CDC42: variants seen among roughly 807,000 people sequenced by gnomAD.
CDC42 encodes the protein cell division cycle 42, also known as cell division control protein 42 homolog.
A neutral mutation model predicts 20.8 loss-of-function variants in CDC42; 1 was observed. The observed-to-expected ratio is 0.05, with a 90% CI of 0.02 to 0.23. The LOEUF (loss-of-function observed/expected upper bound fraction) is 0.23. Among genes scored for constraint, CDC42 ranks in the 10% least tolerant of loss-of-function variants. The pLI is 1.00. For missense variants in CDC42, 49 were observed against 227.9 expected, an observed-to-expected ratio of 0.21 and a Z score of 5.05; for synonymous variants, 72 against 84.8, an observed-to-expected ratio of 0.85 and a Z score of 0.83.
rs1053291449 is a variant in CDC42 at position 22,099,014 on chromosome 1, A to G, written c.*7497A>G. Among the ~76,000 whole-genome samples, 1 of 152,142 alleles carries G rather than the reference A, an allele frequency of 6.6e-6. No individual in the cohort carries two copies. Among genetic ancestry groups the G allele is most frequent in the Non-Finnish European group, 1.5e-5 (1 of 68,028 alleles). On this transcript the variant is annotated 3_prime_UTR_variant, in exon 6 of 6. Transcript: ENST00000656825. ...GCTGATCCTCCCACCTCGGCCTCCCAACGTGCTGGGATTACAGGCATTAGC... is the reference window on the plus strand; with the variant it reads ...GCTGATCCTCCCACCTCGGCCTCCCGACGTGCTGGGATTACAGGCATTAGC...
rs1645758405 is a variant in CDC42 at position 22,096,341 on chromosome 1, A to G, written c.*4824A>G. 1.3e-5 allele frequency among the ~76,000 whole-genome samples: 2 copies of G among 152,216 alleles called. No homozygotes were observed. Among genetic ancestry groups the G allele is most frequent in the Admixed American group, 6.5e-5 (1 of 15,284 alleles). Reference sequence around the variant, plus strand: ...ATTAAGGCACTGAGGATATACAGAGAGTAAAATAGATGTCTCCTGACTTCT... The same window carrying G: ...ATTAAGGCACTGAGGATATACAGAGGGTAAAATAGATGTCTCCTGACTTCT... On this transcript the variant is annotated 3_prime_UTR_variant, in exon 6 of 6. Coordinates refer to ENST00000656825, the MANE Select transcript of CDC42 (RefSeq NM_001791.4).
chr1:22,087,752 A>G (rs960362992), intron 5 of CDC42, among the ~76,000 whole-genome samples: 3 of 152,210 alleles, frequency 2.0e-5, no homozygotes, highest in Non-Finnish European at 2.9e-5. Flanking sequence ...CATTATATTT[A>G]TGCTTATGTT....
rs992575556 is a variant in CDC42, at chr1:22,093,028, A to G, written c.*1511A>G. 7 of 152,612 alleles carry G rather than the reference A, an allele frequency of 4.6e-5. No homozygotes were observed. The highest frequency in any genetic ancestry group is 9.6e-5 in the African/African-American group (4 of 41,456). 9.5% of individuals were successfully genotyped at this position (152,612 alleles called of 1,614,324 possible). A position where few individuals can be genotyped will look rare whatever the true frequency, so the allele number is the denominator to read the frequency against. On this transcript the variant is annotated 3_prime_UTR_variant, in exon 6 of 6. Coordinates refer to ENST00000656825, the MANE Select transcript of CDC42 (RefSeq NM_001791.4). ...TGGGAATTTGACTCTTGATAACATC[A>G]ATTTCTAACAAACTTTGGGATAAAA... is the stretch of plus-strand genomic sequence containing the variant.
chr1:22,073,717 A>G (rs1015539598), intron 1 of CDC42, among the ~76,000 whole-genome samples: 1 of 152,222 alleles, frequency 6.6e-6, no homozygotes, highest in Admixed American at 6.5e-5. Flanking sequence ...CCTGGAGGGC[A>G]GTGGCACAAT....
Position 22,088,698 on chromosome 1 carries a change from T to TAC in CDC42, c.486+1835_486+1836dup, listed in dbSNP as rs200091992. ...AAAGGAATTCCTTCTTGTTAAGGGA[T>TAC]ACACTCCAGTTTCTAATAGTCCTCC... On this transcript the variant is annotated intron_variant, in intron 5 of 5. Transcript: ENST00000656825. 2.2e-4 allele frequency among the ~76,000 whole-genome samples: 34 copies of TAC among 152,362 alleles called. No individual in the cohort carries two copies. The East Asian group carries it at 6.5e-3, about 29-fold the overall frequency.
At chr1:22,086,341 G>A (rs1288542573) in intron 3 of CDC42, 98 bp from the exon 4 acceptor site, 1 of 707,690 alleles carries the variant, frequency 1.4e-6, no homozygotes, top group Non-Finnish European at 2.5e-6. Context: ...TATTAGATAA[G>A]TAAGTTGCTT....
intron 1 of CDC42, among the ~76,000 whole-genome samples, chr1:22,075,539 T>C (rs147855343): frequency 6.6e-6 from 1 of 152,330 alleles, no homozygotes; most frequent in East Asian, 1.9e-4. Context: ...AGATAAAAAG[T>C]GTTATGAGTT....
At chr1:22,058,415 G>A (rs1645326627) in intron 1 of CDC42, among the ~76,000 whole-genome samples, 1 of 151,888 alleles carries the variant, frequency 6.6e-6, no homozygotes, top group Non-Finnish European at 1.5e-5. Flanking sequence ...TAAAGGAATT[G>A]TTGCTTCCTG....
rs1645745086 is a variant in CDC42 at position 22,094,659 on chromosome 1, G to T, written c.*3142G>T. On this transcript the variant is annotated 3_prime_UTR_variant, in exon 6 of 6. Coordinates refer to ENST00000656825, the MANE Select transcript of CDC42 (RefSeq NM_001791.4). ...CTGGACTTTATGCCACAAGGGGAGT[G>T]TATTCTAAAGGGGAAGAAAAGGATT... 6.6e-6 allele frequency among the ~76,000 whole-genome samples: 1 copy of T among 152,064 alleles called. No individual in the cohort carries two copies. Among genetic ancestry groups the T allele is most frequent in the African/African-American group, 2.4e-5 (1 of 41,412 alleles).
rs1645733002 is a variant in CDC42 at position 22,093,119 on chromosome 1, G to A, written c.*1602G>A. ...TGAGATAATATTTAGCCCTCTATATGTTCAGGTTTGTGCTTTCTCCTCTAA... is the reference window on the plus strand; with the variant it reads ...TGAGATAATATTTAGCCCTCTATATATTCAGGTTTGTGCTTTCTCCTCTAA... On this transcript the variant is annotated 3_prime_UTR_variant, in exon 6 of 6. Coordinates refer to ENST00000656825, the MANE Select transcript of CDC42 (RefSeq NM_001791.4). Among the ~76,000 whole-genome samples the A allele has an allele frequency of 6.6e-6, 1 of 152,128 alleles. No homozygotes were observed. Among genetic ancestry groups the A allele is most frequent in the Non-Finnish European group, 1.5e-5 (1 of 68,016 alleles).
chr1:22,090,432 G>A, intron 5 of CDC42: 1 of 996,384 alleles, frequency 1.0e-6, no homozygotes, highest in Non-Finnish European at 1.2e-6. Context: ...ATTGTTAATT[G>A]TAATTGCATG....
intron 5 of CDC42, chr1:22,090,183 C>G (rs532680247): frequency 8.3e-6 from 11 of 1,332,306 alleles, no homozygotes; most frequent in Non-Finnish European, 9.7e-6. Context: ...AGTTTTTGAT[C>G]AAGAATGCAA....
At chr1:22,067,817 T>G (rs1425851982) in intron 1 of CDC42, among the ~76,000 whole-genome samples, 1 of 152,306 alleles carries the variant, frequency 6.6e-6, no homozygotes, top group African/African-American at 2.4e-5. Context: ...TGATCAGGTG[T>G]CAGCTTATGA....
At chr1:22,084,333 C>CTTTTTTTTTTTT (rs1481666350) in intron 3 of CDC42, among the ~76,000 whole-genome samples, 1 of 40,212 alleles carries the variant, frequency 2.5e-5, no homozygotes, top group African/African-American at 8.2e-5. Flanking sequence ...CACTTATTTC[C>CTTTTTTTTTTTT]TGTTTTTTTT....
intron 2 of CDC42, chr1:22,078,924 G>A: frequency 8.9e-7 from 1 of 1,122,362 alleles, no homozygotes. Context: ...GCCAATTATT[G>A]ATCAGTACTT....
In CDC42 at chr1:22,099,286, G is replaced by A. The variant is rs575867357; in HGVS notation, c.*7769G>A. Reference sequence around the variant, plus strand: ...AAAAGAAATGGGGACATATTCTGGCGAAATAACAGCTTTGTTAATTGAGCT... The same window carrying A: ...AAAAGAAATGGGGACATATTCTGGCAAAATAACAGCTTTGTTAATTGAGCT... On this transcript the variant is annotated 3_prime_UTR_variant, in exon 6 of 6. Transcript: ENST00000656825. 9.2e-5 allele frequency among the ~76,000 whole-genome samples: 14 copies of A among 152,344 alleles called. No homozygotes were observed. The South Asian group carries it at 2.7e-3, about 29-fold the overall frequency.
chr1:22,066,287 A>G (rs1645422668), intron 1 of CDC42, among the ~76,000 whole-genome samples: 1 of 152,126 alleles, frequency 6.6e-6, no homozygotes, highest in East Asian at 1.9e-4. Flanking sequence ...AGGCAGGAGA[A>G]TCGCTTGAGC....
chr1:22,078,343 C>G, intron 1 of CDC42, 86 bp from the exon 2 acceptor site: 1 of 574,678 alleles, frequency 1.7e-6, no homozygotes, highest in South Asian at 2.5e-5. Flanking sequence ...TCTTTTCTTG[C>G]TCTGAGTGCC....
At chr1:22,078,753 A>C in intron 2 of CDC42, 170 bp downstream of exon 2, 1 of 1,493,228 alleles carries the variant, frequency 6.7e-7, no homozygotes, top group East Asian at 2.7e-5. Flanking sequence ...ACAGCTGAAA[A>C]ATCAGTGGAA....
Sources: allele counts gnomAD v4.1 joint callset (sites outside exome capture counted in the v4.1 genomes callset), GRCh38; gene constraint gnomAD v4.1.1; transcripts MANE v1.5; gene names NCBI Gene and HGNC (gene_info 2026-07-23, HGNC 2026-07-21).